Variants in TP73 observed in about 807,000 individuals in gnomAD.
The protein encoded by TP73 is p53-like transcription factor.
TP73 carries 25 observed loss-of-function variants against 62.5 expected under a neutral mutation model. The observed-to-expected ratio is 0.40, with a 90% CI of 0.29 to 0.56. The LOEUF is 0.56. Ranked by LOEUF, TP73 falls within the 20% of genes least tolerant of loss-of-function variation. The pLI is 0.46. For missense variants in TP73, 754 were observed against 913.3 expected, an observed-to-expected ratio of 0.83 and a Z score of 2.25; for synonymous variants, 423 against 377.5, an observed-to-expected ratio of 1.12 and a Z score of -1.40.
rs773741663 is a variant in TP73 at position 3,690,949 on chromosome 1, G to A, written c.186+7769G>A. 12 of 1,578,218 alleles carry A rather than the reference G, an allele frequency of 7.6e-6. No individual in the cohort carries two copies. The Admixed American group carries it at 2.1e-4, about 28-fold the overall frequency. ...CCCGCACGGCACCTCGCCACGGTAG[G>A]TGTGACGCGCCATTCATAGGATCTC... On this transcript the variant is annotated intron_variant, in intron 3 of 13. Transcript: ENST00000378295.
rs754214462 is a variant in TP73, at chr1:3,707,794, G to A, written c.429+3G>A. 1 of 1,612,306 alleles carries A rather than the reference G, an allele frequency of 6.2e-7. No individual in the cohort carries two copies. Among genetic ancestry groups the A allele is most frequent in the South Asian group, 1.1e-5 (1 of 91,064 alleles). On this transcript the variant is annotated splice_donor_region_variant and intron_variant, in intron 4 of 13. Transcript: ENST00000378295. ...CGGCCAAGTCAGCCACCTGGACGGT[G>A]AGTTCCCCTAGTCCCTGAGGGCTGC...
In TP73 at chr1:3,721,956, G is replaced by A. The variant is rs1570602788; in HGVS notation, c.430-65G>A. On this transcript the variant is annotated intron_variant, in intron 4 of 13. Transcript: ENST00000378295. ...TGGGGAGGACGTGGCTCCCAATGGG[G>A]GGTGGCCTGGACAGGGGTGCAGTTG... is the stretch of plus-strand genomic sequence containing the variant. 2.2e-5 allele frequency: 33 copies of A among 1,502,616 alleles called. No individual in the cohort carries two copies. In the South Asian group the frequency reaches 3.6e-4, roughly 16 times the overall value. 93.1% of individuals were successfully genotyped at this position (1,502,616 alleles called of 1,614,324 possible).
chr1:3,669,245 C>T (rs948919371), intron 1 of TP73, among the ~76,000 whole-genome samples: 4 of 152,204 alleles, frequency 2.6e-5, no homozygotes, highest in East Asian at 1.9e-4. Flanking sequence ...GCAGTGGCTC[C>T]GGGGGCCCAC....
intron 1 of TP73, among the ~76,000 whole-genome samples, chr1:3,668,378 G>C (rs991333862): frequency 6.6e-6 from 1 of 152,206 alleles, no homozygotes; most frequent in Admixed American, 6.5e-5. Flanking sequence ...GGGGGAGGAA[G>C]GTGGCACAGT....
intron 1 of TP73, among the ~76,000 whole-genome samples, chr1:3,674,391 G>A (rs1304002610): frequency 1.3e-5 from 2 of 152,246 alleles, no homozygotes; most frequent in Non-Finnish European, 2.9e-5. Context: ...GGCTGTGTTT[G>A]TCTTTCATCC....
intron 3 of TP73, 47 bp from the exon 4 acceptor site, chr1:3,707,502 A>T: frequency 3.2e-6 from 5 of 1,580,120 alleles, no homozygotes; most frequent in Non-Finnish European, 4.3e-6. Flanking sequence ...GGACAGGACG[A>T]CTGACTGTGT....
intron 3 of TP73, among the ~76,000 whole-genome samples, chr1:3,685,331 C>T (rs1287345769): frequency 6.6e-6 from 1 of 152,190 alleles, no homozygotes; most frequent in African/African-American, 2.4e-5. Flanking sequence ...ACGTGCCACT[C>T]CCCAGCCACA....
At position 3,704,697 on chromosome 1, in the gene TP73, T is replaced by C. The variant is rs74904021; in HGVS notation, c.187-2852T>C. Among the ~76,000 whole-genome samples the C allele has an allele frequency of 8.1e-3, 1,235 of 152,264 alleles. 21 individuals are homozygous for C. Among genetic ancestry groups the C allele is most frequent in the African/African-American group, 0.029 (1,187 of 41,556 alleles). On this transcript the variant is annotated intron_variant, in intron 3 of 13. Coordinates refer to ENST00000378295, the MANE Select transcript of TP73 (RefSeq NM_005427.4). Reference sequence around the variant, plus strand: ...CTGGGCCCGTGGTCGTAAGCAGGTCTCAGACACCTCAGAGGCCTCTTGGGC... The same window carrying C: ...CTGGGCCCGTGGTCGTAAGCAGGTCCCAGACACCTCAGAGGCCTCTTGGGC...
At chr1:3,683,556 G>A (rs1366150372) in intron 3 of TP73, among the ~76,000 whole-genome samples, 1 of 152,212 alleles carries the variant, frequency 6.6e-6, no homozygotes, top group Non-Finnish European at 1.5e-5. Flanking sequence ...CTTTGGGCAT[G>A]GCTGTGTCCA....
At chr1:3,683,294 C>T in intron 3 of TP73, 114 bp downstream of exon 3, 1 of 1,355,370 alleles carries the variant, frequency 7.4e-7, no homozygotes, top group Non-Finnish European at 9.8e-7. Context: ...TGTACAGCTT[C>T]CCCTGTGGGT....
In TP73 at chr1:3,708,833, C is replaced by A. The variant is rs554423240; in HGVS notation, c.429+1042C>A. 5.9e-5 allele frequency among the ~76,000 whole-genome samples: 9 copies of A among 152,328 alleles called. No homozygotes were observed. The South Asian group carries it at 1.2e-3, about 21-fold the overall frequency. Reference sequence around the variant, plus strand: ...TGGCTGCAGGAGGGGCTCTATGGGACACATGTTGGTCCGGCCCACTGGGCA... The same window carrying A: ...TGGCTGCAGGAGGGGCTCTATGGGAAACATGTTGGTCCGGCCCACTGGGCA... On this transcript the variant is annotated intron_variant, in intron 4 of 13. Transcript: ENST00000378295.
chr1:3,697,084 TG>T (rs1353967420), intron 3 of TP73, among the ~76,000 whole-genome samples: 1 of 151,728 alleles, frequency 6.6e-6, no homozygotes, highest in East Asian at 1.9e-4. Flanking sequence ...GCCAGAGCCC[TG>T]GAGGCACTCT....
rs967282960 is a variant in TP73 at position 3,735,813 on chromosome 1, C to T, written c.*2734C>T. The T allele has an allele frequency of 1.3e-5, 2 of 152,136 alleles. No individual in the cohort carries two copies. Among genetic ancestry groups the T allele is most frequent in the Non-Finnish European group, 2.9e-5 (2 of 68,032 alleles). 9.4% of individuals were successfully genotyped at this position (152,136 alleles called of 1,614,324 possible). A position where few individuals can be genotyped will look rare whatever the true frequency, so the allele number is the denominator to read the frequency against. Reference sequence around the variant, plus strand: ...CAGGTCAGCTCACATCTGTCCAAGTCGCTCTGGTCAGAAACAGCGACTCTC... The same window carrying T: ...CAGGTCAGCTCACATCTGTCCAAGTTGCTCTGGTCAGAAACAGCGACTCTC... On this transcript the variant is annotated 3_prime_UTR_variant, in exon 14 of 14. Coordinates refer to ENST00000378295, the MANE Select transcript of TP73 (RefSeq NM_005427.4).
intron 11 of TP73, among the ~76,000 whole-genome samples, chr1:3,730,607 C>T (rs1642059831): frequency 1.3e-5 from 2 of 152,180 alleles, no homozygotes; most frequent in South Asian, 2.1e-4. Context: ...AGCATGTTCC[C>T]AGTGCCGTGA....
intron 4 of TP73, among the ~76,000 whole-genome samples, chr1:3,713,716 G>A (rs539097402): frequency 2.0e-5 from 3 of 152,320 alleles, no homozygotes; most frequent in South Asian, 4.1e-4. Flanking sequence ...GCCTCAGGAA[G>A]AGGGGGACAG....
chr1:3,695,156 A>T (rs1357059955), intron 3 of TP73, among the ~76,000 whole-genome samples: 1 of 152,156 alleles, frequency 6.6e-6, no homozygotes, highest in African/African-American at 2.4e-5. Context: ...GACATTACCC[A>T]CTTCTGCCTG....
intron 1 of TP73, among the ~76,000 whole-genome samples, chr1:3,667,009 T>C (rs995556237): frequency 6.6e-6 from 1 of 152,034 alleles, no homozygotes; most frequent in African/African-American, 2.4e-5. Flanking sequence ...TCCAGGTGGG[T>C]CCAGTGTCAT....
intron 3 of TP73, among the ~76,000 whole-genome samples, chr1:3,695,222 C>T (rs528494670): frequency 7.9e-5 from 12 of 152,350 alleles, no homozygotes; most frequent in Admixed American, 4.6e-4. Flanking sequence ...AGAGGCTGAG[C>T]GCTGGAGACG....
chr1:3,724,676 G>C (rs1320485473), intron 6 of TP73, among the ~76,000 whole-genome samples: 1 of 152,268 alleles, frequency 6.6e-6, no homozygotes, highest in Non-Finnish European at 1.5e-5. Context: ...TCCCCAGGGT[G>C]ACATGAAAAC....
Sources: gnomAD v4.1 joint callset for allele counts (sites outside exome capture counted in the v4.1 genomes callset) on GRCh38, gnomAD v4.1.1 for gene constraint, MANE v1.5 for transcripts, NCBI Gene and HGNC (gene_info 2026-07-23, HGNC 2026-07-21) for gene names.